DHX36: variants seen among roughly 807,000 people sequenced by gnomAD.
DHX36 encodes the protein DEAH-box helicase 36.
In DHX36, 50 loss-of-function variants were observed where a neutral mutation model predicts 139.0. The observed-to-expected ratio is 0.36, with a 90% confidence interval of 0.29 to 0.46. DHX36 has a LOEUF of 0.46. Ranked by LOEUF, DHX36 falls within the 20% of genes least tolerant of loss-of-function variation. The pLI, the probability that DHX36 is intolerant of heterozygous loss-of-function variation, is 1.00. For synonymous variants in DHX36, 425 were observed against 401.9 expected (o/e 1.06, Z -0.69); for missense variants, 1,024 against 1,211.3 (o/e 0.85, Z 2.29).
chr3:154,278,662 T>C (rs566297525), intron 22 of DHX36: 1 of 152,108 alleles, frequency 6.6e-6, no homozygotes, highest in Admixed American at 6.5e-5. Flanking sequence ...GTATTCTTAG[T>C]AGAGATGGGG....
chr3:154,290,445 G>C (rs770347520), intron 15 of DHX36, among the ~76,000 whole-genome samples: 16 of 151,780 alleles, frequency 1.1e-4, no homozygotes, highest in Non-Finnish European at 1.9e-4. Flanking sequence ...AGACCAGCCT[G>C]GCCAACATGG....
chr3:154,316,989 T>A (rs1713013704), intron 1 of DHX36, among the ~76,000 whole-genome samples: 1 of 151,928 alleles, frequency 6.6e-6, no homozygotes. Flanking sequence ...AATTAGAGTG[T>A]GTTAGGTTAA....
At position 154,273,910 on chromosome 3, in the gene DHX36, C is replaced by A. The variant is rs900108978; in HGVS notation, c.*2261G>T. 8.5e-5 allele frequency: 13 copies of A among 152,184 alleles called. No individual in the cohort carries two copies. The highest frequency in any genetic ancestry group is 3.1e-4 in the African/African-American group (13 of 41,444). The allele number at this position is 152,184 out of a possible 1,614,324, so 9.4% of individuals were successfully genotyped here. A position where few individuals can be genotyped will look rare whatever the true frequency, so the allele number is the denominator to read the frequency against. ...TGTCCAGCACTTTTACACCTTCTGTCAGACAAATAGGTTAAAACTCTTACA... is the reference window on the plus strand; with the variant it reads ...TGTCCAGCACTTTTACACCTTCTGTAAGACAAATAGGTTAAAACTCTTACA... On this transcript the variant is annotated 3_prime_UTR_variant, in exon 25 of 25. Transcript: ENST00000496811.
At chr3:154,296,246 G>A (rs1249522871) in intron 12 of DHX36, among the ~76,000 whole-genome samples, 5 of 152,194 alleles carry the variant, frequency 3.3e-5, no homozygotes, top group South Asian at 2.1e-4. Flanking sequence ...AGGCCGAGGC[G>A]GGCGGATCAC....
rs767754856 is a variant in DHX36 at position 154,284,658 on chromosome 3, C to T, written c.2217G>A (p.Lys739=). ...ATTCCTTTCTTCTTGCATCTGCAAT[C>T]TTTTCTTTTCCCTTAAAAATAGCAG... The part of the protein sequence containing the change: ...DPFVIPLGKE[K]IADARRKELA... The change falls in exon 19 of 25, where the codon AAG becomes AAA. Residue 739 remains lysine (K), a synonymous_variant. Transcript: ENST00000496811. 1 of 1,611,020 alleles carries T rather than the reference C, an allele frequency of 6.2e-7. No individual in the cohort carries two copies. Among genetic ancestry groups the T allele is most frequent in the Non-Finnish European group, 8.5e-7 (1 of 1,178,282 alleles).
At chr3:154,295,812 T>C (rs1251701309) in intron 12 of DHX36, among the ~76,000 whole-genome samples, 2 of 152,188 alleles carry the variant, frequency 1.3e-5, no homozygotes, top group Non-Finnish European at 2.9e-5. Flanking sequence ...TCTCATTCTG[T>C]TGCCCGTTGC....
chr3:154,307,989 T>C (rs1239565586), intron 5 of DHX36, among the ~76,000 whole-genome samples: 1 of 152,016 alleles, frequency 6.6e-6, no homozygotes, highest in Non-Finnish European at 1.5e-5. Context: ...AGACAAAATA[T>C]CATATTTCAC....
chr3:154,284,924 C>T lies in DHX36; in HGVS notation c.2095G>A (p.Glu699Lys). ...LGVHLARLPV[E>K]PHIGKMILFG... Reference sequence around the variant, plus strand: ...AGAATCATTTTTCCAATATGTGGCTCAACGGGTAATCGTGCCAAGTGGACT... The same window carrying T: ...AGAATCATTTTTCCAATATGTGGCTTAACGGGTAATCGTGCCAAGTGGACT... The change falls in exon 18 of 25, where the codon GAG (glutamate) becomes AAG (lysine). Residue 699 changes from glutamate to lysine, a missense_variant. Glu to Lys is a moderately conservative substitution (Grantham distance 56). Around this residue, in one of 4 missense-constraint regions of DHX36, gnomAD observed 470 missense variants for 616.2 expected, o/e 0.76. Coordinates refer to ENST00000496811, the MANE Select transcript of DHX36 (RefSeq NM_020865.3). 1 of 1,614,126 alleles carries T rather than the reference C, an allele frequency of 6.2e-7. No homozygotes were observed. The highest frequency in any genetic ancestry group is 8.5e-7 in the Non-Finnish European group (1 of 1,180,024).
chr3:154,324,317 G>C lies in DHX36; in HGVS notation c.100C>G (p.Arg34Gly). The C allele has an allele frequency of 6.2e-7, 1 of 1,610,064 alleles. No homozygotes were observed. Among genetic ancestry groups the C allele is most frequent in the Non-Finnish European group, 8.5e-7 (1 of 1,178,512 alleles). Reference protein sequence around the residue: ...GGPAGGHGGNRGSGGGGGGGG... With the variant: ...GGPAGGHGGNGGSGGGGGGGG... The stretch of plus-strand genomic sequence containing the variant: ...CCGCCGCCGCCTCCTCCGGAGCCTC[G>C]GTTACCTCCATGACCCCCTGCTGGC... Residue 34 changes from arginine to glycine, a missense_variant, in exon 1 of 25, where the codon CGA (arginine) becomes GGA (glycine). Around this residue, in one of 4 missense-constraint regions of DHX36, gnomAD observed 293 missense variants for 274.4 expected, o/e 1.07. Coordinates refer to ENST00000496811, the MANE Select transcript of DHX36 (RefSeq NM_020865.3).
chr3:154,299,826 T>C lies in DHX36; in HGVS notation c.1549+12A>G, dbSNP rs749768273. On this transcript the variant is annotated intron_variant, in intron 12 of 24. Transcript: ENST00000496811. ...ACTCTTTGAATTACAGTAAAATACA[T>C]TTACATAGTACCTGATTTAAACATT... 23 of 1,566,588 alleles carry C rather than the reference T, an allele frequency of 1.5e-5. No homozygotes were observed. The highest frequency in any genetic ancestry group is 2.6e-6 in the Non-Finnish European group (3 of 1,137,000).
At chr3:154,306,806 A>G (rs1712517104) in intron 5 of DHX36, among the ~76,000 whole-genome samples, 1 of 152,150 alleles carries the variant, frequency 6.6e-6, no homozygotes, top group African/African-American at 2.4e-5. Flanking sequence ...ACCAACAGTT[A>G]TTCTGTGACA....
In DHX36 at chr3:154,324,210, T is replaced by A; in HGVS notation, c.207A>T (p.Lys69Asn). ...GREIGMWYAK[K>N]QGQKNKEAER... ...CCGCTTCCTTGTTCTTCTGCCCCTG[T>A]TTTTTCGCGTACCACATGCCGATTT... is the stretch of plus-strand genomic sequence containing the variant. The change falls in exon 1 of 25, where the codon AAA (lysine) becomes AAT (asparagine). Residue 69 changes from lysine to asparagine, a missense_variant. Physicochemically the swap from Lys to Asn is moderately conservative, Grantham distance 94. Transcript: ENST00000496811. 3.1e-6 allele frequency: 5 copies of A among 1,613,164 alleles called. No individual in the cohort carries two copies. The highest frequency in any genetic ancestry group is 4.2e-6 in the Non-Finnish European group (5 of 1,179,484).
chr3:154,312,861 A>G (rs1712818043), intron 3 of DHX36, among the ~76,000 whole-genome samples: 2 of 27,144 alleles, frequency 7.4e-5, no homozygotes, highest in Admixed American at 2.8e-4. Context: ...AAATATATAT[A>G]TATATATATA....
chr3:154,285,854 C>A (rs969003210), intron 17 of DHX36, among the ~76,000 whole-genome samples: 11 of 150,824 alleles, frequency 7.3e-5, no homozygotes, highest in African/African-American at 2.2e-4. Context: ...AAATGTAAAA[C>A]CCTCAACTTG....
At chr3:154,289,352 G>A (rs1021106644) in intron 16 of DHX36, among the ~76,000 whole-genome samples, 3 of 152,162 alleles carry the variant, frequency 2.0e-5, no homozygotes, top group African/African-American at 7.2e-5. Context: ...AGGATAACAT[G>A]TTAACATGTA....
chr3:154,277,802 G>A, intron 22 of DHX36, 84 bp from the exon 23 acceptor site: 1 of 1,282,696 alleles, frequency 7.8e-7, no homozygotes, highest in East Asian at 2.5e-5. Flanking sequence ...AAAACTGATA[G>A]AAGAGCTTGG....
intron 15 of DHX36, 118 bp downstream of exon 15, chr3:154,292,433 A>C: frequency 7.2e-7 from 1 of 1,386,032 alleles, no homozygotes; most frequent in Non-Finnish European, 1.0e-6. Context: ...TTTTGCAATA[A>C]GCTCAAAATA....
chr3:154,319,167 T>G (rs984243009), intron 1 of DHX36: 12 of 152,156 alleles, frequency 7.9e-5, no homozygotes, highest in African/African-American at 2.9e-4. Context: ...CGCTTCACTT[T>G]ATTTCACTCC....
chr3:154,312,855 ATATATATATAT>A (rs1712816798), intron 3 of DHX36, among the ~76,000 whole-genome samples: 1 of 4,692 alleles, frequency 2.1e-4, no homozygotes, highest in Admixed American at 1.4e-3. Flanking sequence ...TAATTAAAAT[ATATATATATAT>A]ATATATATAT....
Sources: gnomAD v4.1 joint callset for allele counts (sites outside exome capture counted in the v4.1 genomes callset) on GRCh38, gnomAD v4.1.1 for gene constraint, gnomAD v4.1.1 regional missense constraint, MANE v1.5 for transcripts, NCBI Gene and HGNC (gene_info 2026-07-23, HGNC 2026-07-21) for gene names.